Variants in GON7 observed in about 807,000 individuals in gnomAD.
GON7 encodes the protein EKC/KEOPS complex subunit GON7.
A neutral mutation model predicts 7.6 loss-of-function variants in GON7; 2 were observed. The ratio of observed to expected loss-of-function variants is 0.26; its 90% confidence interval spans 0.11 to 0.83. The LOEUF is 0.83. Ranked by LOEUF, GON7 falls within the 40% of genes least tolerant of loss-of-function variation. GON7 has a pLI of 0.65. For synonymous variants in GON7, 54 were observed against 56.6 expected, an observed-to-expected ratio of 0.95 and a Z score of 0.20; for missense variants, 121 against 132.2, an observed-to-expected ratio of 0.92 and a Z score of 0.42.
At position 93,205,632 on chromosome 14, in the gene GON7, A is replaced by T. The variant is rs767624724; in HGVS notation, c.208+1198T>A. 1.2e-3 allele frequency among the ~76,000 whole-genome samples: 186 copies of T among 151,792 alleles called. 1 individual carries two copies. Among genetic ancestry groups the T allele is most frequent in the Non-Finnish European group, 5.4e-4 (37 of 67,946 alleles). Reference sequence around the variant, plus strand: ...CAGTGAGCCAAGGTTGTGCCACTGCACTCAAGCCTGAGTGACAGAGCTAGA... The same window carrying T: ...CAGTGAGCCAAGGTTGTGCCACTGCTCTCAAGCCTGAGTGACAGAGCTAGA... On this transcript the variant is annotated intron_variant, in intron 1 of 1. Coordinates refer to ENST00000306954, the MANE Select transcript of GON7 (RefSeq NM_032490.5).
At chr14:93,206,345 C>T (rs1894343449) in intron 1 of GON7, among the ~76,000 whole-genome samples, 1 of 151,534 alleles carries the variant, frequency 6.6e-6, no homozygotes, top group Non-Finnish European at 1.5e-5. Context: ...CCTGTCTAGT[C>T]CCCTTGTGTT....
At position 93,206,862 on chromosome 14, in the gene GON7, C is replaced by G. The variant is rs1481000687; in HGVS notation, c.176G>C (p.Arg59Pro). 3 of 1,614,030 alleles carry G rather than the reference C, an allele frequency of 1.9e-6. No individual in the cohort carries two copies. The highest frequency in any genetic ancestry group is 3.3e-5 in the Admixed American group (2 of 60,010). Residue 59 changes from arginine (R) to proline (P), a missense_variant, in exon 1 of 2, where the codon CGG (arginine) becomes CCG (proline). Physicochemically the swap from Arg to Pro is moderately radical, Grantham distance 103. Coordinates refer to ENST00000306954, the MANE Select transcript of GON7 (RefSeq NM_032490.5). ...GTCCTCGTCTGGAGCCGCCGCCACC[C>G]GGTGCTGCACTTCCCCCTGTACCAG... Reference protein sequence around the residue: ...DPLVQGEVQHRVAAAPDEDLD... With the variant: ...DPLVQGEVQHPVAAAPDEDLD...
chr14:93,205,177 C>T (rs1384751312), intron 1 of GON7, among the ~76,000 whole-genome samples: 2 of 152,236 alleles, frequency 1.3e-5, no homozygotes, highest in Non-Finnish European at 2.9e-5. Context: ...TACATTTCCA[C>T]CAACAATGTA....
Position 93,203,748 on chromosome 14 carries a change from G to A in GON7, c.243C>T (p.Asn81=), listed in dbSNP as rs750224435. 1 of 1,613,858 alleles carries A rather than the reference G, an allele frequency of 6.2e-7. No individual in the cohort carries two copies. The change falls in exon 2 of 2, where the codon AAC becomes AAT. Residue 81 remains asparagine, a synonymous_variant. Transcript: ENST00000306954. ...CATCGAAGTTAGTTCTGTTATCAATGTTATTTTCATCTTCTGCATCATCTT... is the reference window on the plus strand; with the variant it reads ...CATCGAAGTTAGTTCTGTTATCAATATTATTTTCATCTTCTGCATCATCTT... ...DDEDDAEDEN[N]IDNRTNFDGP...
At chr14:93,206,696 AT>A in intron 1 of GON7, 133 bp downstream of exon 1, 1 of 1,031,902 alleles carries the variant, frequency 9.7e-7, no homozygotes, top group Non-Finnish European at 1.4e-6. Context: ...CCCGCCAAAA[AT>A]TTTTAGATGC....
intron 1 of GON7, among the ~76,000 whole-genome samples, chr14:93,204,298 T>C (rs535275740): frequency 6.6e-6 from 1 of 152,334 alleles, no homozygotes; most frequent in South Asian, 2.1e-4. Flanking sequence ...CTGGCCAAAA[T>C]CCACTCTTTT....
At chr14:93,206,487 C>T (rs1302169256) in intron 1 of GON7, among the ~76,000 whole-genome samples, 2 of 152,222 alleles carry the variant, frequency 1.3e-5, no homozygotes, top group Non-Finnish European at 2.9e-5. Flanking sequence ...GTTGTGGAAA[C>T]GCTTGAGTAG....
intron 1 of GON7, 37 bp from the exon 2 acceptor site, chr14:93,203,819 C>A (rs1026317895): frequency 6.5e-7 from 1 of 1,528,010 alleles, no homozygotes; most frequent in Non-Finnish European, 9.0e-7. Flanking sequence ...ACAATACGTT[C>A]TATGGCTGAA....
At chr14:93,205,666 C>CAAAAAAAAAAAA (rs749347487) in intron 1 of GON7, among the ~76,000 whole-genome samples, 1 of 124,446 alleles carries the variant, frequency 8.0e-6, no homozygotes. Flanking sequence ...GACTCCATCT[C>CAAAAAAAAAAAA]AAAAAAAAAA....
At chr14:93,204,830 T>A (rs978436284) in intron 1 of GON7, among the ~76,000 whole-genome samples, 1 of 152,224 alleles carries the variant, frequency 6.6e-6, no homozygotes, top group African/African-American at 2.4e-5. Context: ...TTCTATTTTT[T>A]AAAATTATCA....
chr14:93,206,703 G>A, intron 1 of GON7, 127 bp downstream of exon 1: 1 of 1,071,462 alleles, frequency 9.3e-7, no homozygotes, highest in Non-Finnish European at 1.3e-6. Context: ...AAAATTTTTA[G>A]ATGCAATTCT....
Position 93,203,723 on chromosome 14 carries a change from C to T in GON7, c.268G>A (p.Gly90Arg). The T allele has an allele frequency of 6.2e-7, 1 of 1,614,038 alleles. No homozygotes were observed. The highest frequency in any genetic ancestry group is 8.5e-7 in the Non-Finnish European group (1 of 1,179,984). ...GTTTTTGGCCGTTTTGCAGATGGTC[C>T]ATCGAAGTTAGTTCTGTTATCAATG... Reference protein sequence around the residue: ...NNIDNRTNFDGPSAKRPKTPS With the variant: ...NNIDNRTNFDRPSAKRPKTPS The change falls in exon 2 of 2, where the codon GGA (glycine) becomes AGA (arginine). Residue 90 changes from glycine (G) to arginine (R), a missense_variant. Physicochemically the swap from Gly to Arg is moderately radical, Grantham distance 125. Transcript: ENST00000306954.
At position 93,207,009 on chromosome 14, in the gene GON7, T is replaced by C; in HGVS notation, c.29A>G (p.Gln10Arg). The change falls in exon 1 of 2, where the codon CAG (glutamine) becomes CGG (arginine). Residue 10 changes from glutamine to arginine, a missense_variant. Gln to Arg is a conservative substitution (Grantham distance 43). Transcript: ENST00000306954. ...CCGCAGCTTCTGCGGCTTCCCTTCC[T>C]GCCCGACGTACTCTCCCAGCAGCTC... MELLGEYVG[Q>R]EGKPQKLRVS... 6.2e-7 allele frequency: 1 copy of C among 1,613,778 alleles called. No individual in the cohort carries two copies. Among genetic ancestry groups the C allele is most frequent in the Non-Finnish European group, 8.5e-7 (1 of 1,179,998 alleles).
intron 1 of GON7, among the ~76,000 whole-genome samples, chr14:93,205,055 C>CTT (rs1375390585): frequency 6.6e-6 from 1 of 152,202 alleles, no homozygotes; most frequent in Non-Finnish European, 1.5e-5. Context: ...TGTGAACATA[C>CTT]GTTTCCAGTT....
chr14:93,204,798 G>A (rs113525715), intron 1 of GON7, among the ~76,000 whole-genome samples: 37 of 152,122 alleles, frequency 2.4e-4, no homozygotes, highest in African/African-American at 8.7e-4. Flanking sequence ...TGCACTCATC[G>A]GTTGATGGAT....
Position 93,206,983 on chromosome 14 carries a change from C to T in GON7, c.55G>A (p.Val19Met). 1.2e-6 allele frequency: 2 copies of T among 1,614,194 alleles called. No individual in the cohort carries two copies. Among genetic ancestry groups the T allele is most frequent in the Non-Finnish European group, 1.7e-6 (2 of 1,180,042 alleles). Residue 19 changes from valine (V) to methionine (M), a missense_variant, in exon 1 of 2, where the codon GTG becomes ATG. Transcript: ENST00000306954. Reference protein sequence around the residue: ...GQEGKPQKLRVSCEAPGDGDP... With the variant: ...GQEGKPQKLRMSCEAPGDGDP... ...CCGTCACCCGGCGCCTCACAGGACA[C>T]CCGCAGCTTCTGCGGCTTCCCTTCC...
Position 93,206,931 on chromosome 14 carries a change from C to A in GON7, c.107G>T (p.Gly36Val). Residue 36 changes from glycine to valine, a missense_variant, in exon 1 of 2, where the codon GGC becomes GTC. Physicochemically the swap from Gly to Val is moderately radical, Grantham distance 109 (BLOSUM62 -3). Transcript: ENST00000306954. ...DGDPFQGLLS[G>V]VAQMKDMVTE... Reference sequence around the variant, plus strand: ...TACCATGTCCTTCATCTGGGCCACGCCAGACAACAGGCCCTGGAAAGGGTC... The same window carrying A: ...TACCATGTCCTTCATCTGGGCCACGACAGACAACAGGCCCTGGAAAGGGTC... 1 of 1,614,228 alleles carries A rather than the reference C, an allele frequency of 6.2e-7. No homozygotes were observed. The highest frequency in any genetic ancestry group is 8.5e-7 in the Non-Finnish European group (1 of 1,180,048).
At chr14:93,205,668 A>G (rs78792475) in intron 1 of GON7, among the ~76,000 whole-genome samples, 1 of 147,418 alleles carries the variant, frequency 6.8e-6, no homozygotes, top group Non-Finnish European at 1.5e-5. Context: ...CTCCATCTCA[A>G]AAAAAAAAAA....
chr14:93,203,739 G>A lies in GON7; in HGVS notation c.252C>T (p.Asn84=). ...CAGATGGTCCATCGAAGTTAGTTCT[G>A]TTATCAATGTTATTTTCATCTTCTG... The part of the protein sequence containing the change: ...DDAEDENNID[N]RTNFDGPSAK... The change falls in exon 2 of 2, where the codon AAC becomes AAT. Residue 84 remains asparagine, a synonymous_variant. Transcript: ENST00000306954. The A allele has an allele frequency of 6.2e-7, 1 of 1,613,918 alleles. No homozygotes were observed. The highest frequency in any genetic ancestry group is 2.2e-5 in the East Asian group (1 of 44,854).
Sources: allele counts gnomAD v4.1 joint callset (sites outside exome capture counted in the v4.1 genomes callset), GRCh38; gene constraint gnomAD v4.1.1; transcripts MANE v1.5; gene names NCBI Gene and HGNC (gene_info 2026-07-23, HGNC 2026-07-21).